The following SMARCAD1 variants were observed in gnomAD, a reference collection of about 807,000 sequenced individuals.
SMARCAD1 encodes SWI/SNF-related matrix-associated actin-dependent regulator of chromatin subfamily A containing DEAD/H box 1.
SMARCAD1 carries 25 observed loss-of-function variants against 127.1 expected under a neutral mutation model. The observed-to-expected ratio is 0.20, with a 90% CI of 0.14 to 0.27. SMARCAD1 has a LOEUF of 0.27. Among genes scored for constraint, SMARCAD1 ranks in the 10% least tolerant of loss-of-function variants. The probability of loss-of-function intolerance (pLI) is 1.00; values close to 1 mark genes in which losing one functional copy is unlikely to be tolerated. For missense variants in SMARCAD1, 807 were observed against 1,206.0 expected, an observed-to-expected ratio of 0.67 and a Z score of 4.90; for synonymous variants, 400 against 396.9, an observed-to-expected ratio of 1.01 and a Z score of -0.09.
chr4:94,221,682 C>CATGAAG (rs1744157997), intron 2 of SMARCAD1, among the ~76,000 whole-genome samples: 1 of 152,116 alleles, frequency 6.6e-6, no homozygotes. Context: ...ATATAGTTTT[C>CATGAAG]ATGAAGATGT....
At position 94,289,544 on chromosome 4, in the gene SMARCAD1, T is replaced by C. The variant is rs1289471949; in HGVS notation, c.*10T>C. The C allele has an allele frequency of 1.9e-6, 3 of 1,607,208 alleles. No individual in the cohort carries two copies. The East Asian group carries it at 6.7e-5, about 36-fold the overall frequency. ...ATCAATGGGCCTGTGAAATAAGAAC[T>C]GTGAACTCTCAATTGATGAGGAAAT... On this transcript the variant is annotated 3_prime_UTR_variant, in exon 24 of 24. Coordinates refer to ENST00000354268, the MANE Select transcript of SMARCAD1 (RefSeq NM_020159.5).
At position 94,252,601 on chromosome 4, in the gene SMARCAD1, G is replaced by T; in HGVS notation, c.890-15G>T. 6.7e-7 allele frequency: 1 copy of T among 1,491,130 alleles called. No homozygotes were observed. The allele number at this position is 1,491,130 out of a possible 1,614,324, so 92.4% of individuals were successfully genotyped here. On this transcript the variant is annotated splice_polypyrimidine_tract_variant and intron_variant, in intron 8 of 23. Transcript: ENST00000354268. ...TATTTCTAATTTAGTTACTGTTTTT[G>T]TCTTTTATATACAGATATGCAATAT...
At chr4:94,265,584 T>A (rs1391721517) in intron 10 of SMARCAD1, among the ~76,000 whole-genome samples, 1 of 151,768 alleles carries the variant, frequency 6.6e-6, no homozygotes, top group African/African-American at 2.4e-5. Context: ...ATTTTGCATG[T>A]TGTTGGCAGA....
chr4:94,282,139 G>C (rs559864672), intron 21 of SMARCAD1, among the ~76,000 whole-genome samples: 6 of 54,254 alleles, frequency 1.1e-4, no homozygotes, highest in Admixed American at 7.2e-4. Context: ...TCGCTCTGTC[G>C]CCCAGGCTGG....
At chr4:94,259,196 A>T (rs1750581382) in intron 9 of SMARCAD1, among the ~76,000 whole-genome samples, 1 of 152,212 alleles carries the variant, frequency 6.6e-6, no homozygotes, top group Non-Finnish European at 1.5e-5. Flanking sequence ...ATGATGGTGG[A>T]TGTTGAGGTT....
At position 94,274,871 on chromosome 4, in the gene SMARCAD1, T is replaced by G; in HGVS notation, c.1733-19T>G. The G allele has an allele frequency of 1.2e-6, 2 of 1,603,860 alleles. No individual in the cohort carries two copies. The highest frequency in any genetic ancestry group is 8.5e-7 in the Non-Finnish European group (1 of 1,170,806). The stretch of plus-strand genomic sequence containing the variant: ...ACAGCACAATAAATAGTCATGTGTT[T>G]ATTGTTTTTAAATTCTAGGTTCTCA... On this transcript the variant is annotated intron_variant, in intron 13 of 23. Transcript: ENST00000354268.
chr4:94,241,994 C>T lies in SMARCAD1; in HGVS notation c.705+988C>T, dbSNP rs564661792. ...CTTGGCTGAACATTCACACAAACAC[C>T]GTTATCCTTCTATTCTATTCTCAGG... On this transcript the variant is annotated intron_variant, in intron 6 of 23. Coordinates refer to ENST00000354268, the MANE Select transcript of SMARCAD1 (RefSeq NM_020159.5). 7.9e-5 allele frequency among the ~76,000 whole-genome samples: 12 copies of T among 152,136 alleles called. No homozygotes were observed. The South Asian group carries it at 8.3e-4, about 11-fold the overall frequency.
intron 3 of SMARCAD1, among the ~76,000 whole-genome samples, chr4:94,231,050 C>T (rs560829466): frequency 1.8e-4 from 28 of 152,288 alleles, no homozygotes; most frequent in African/African-American, 6.5e-4. Flanking sequence ...TTAGTGAGAA[C>T]AGTTTCACTG....
chr4:94,284,895 T>C (rs577932306), intron 22 of SMARCAD1, 65 bp from the exon 23 acceptor site: 1 of 966,460 alleles, frequency 1.0e-6, no homozygotes. Context: ...CTCTTAAATA[T>C]AGTTTACATA....
At chr4:94,209,183 A>G (rs916381789) in intron 2 of SMARCAD1, among the ~76,000 whole-genome samples, 1 of 152,164 alleles carries the variant, frequency 6.6e-6, no homozygotes, top group Non-Finnish European at 1.5e-5. Flanking sequence ...TAAGATTTCC[A>G]CTCGAATCTA....
At chr4:94,287,983 T>C (rs1399506820) in intron 23 of SMARCAD1, among the ~76,000 whole-genome samples, 2 of 151,984 alleles carry the variant, frequency 1.3e-5, no homozygotes, top group African/African-American at 4.8e-5. Flanking sequence ...AGACTCCATC[T>C]CTATTAAAAT....
chr4:94,225,983 TA>T, intron 2 of SMARCAD1, 135 bp from the exon 3 acceptor site: 1 of 782,014 alleles, frequency 1.3e-6, no homozygotes, highest in Non-Finnish European at 2.0e-6. Flanking sequence ...TTTTTTTCTT[TA>T]AAAAGTGGTG....
chr4:94,222,354 A>G (rs1025750173), intron 2 of SMARCAD1, among the ~76,000 whole-genome samples: 2 of 152,182 alleles, frequency 1.3e-5, no homozygotes, highest in Non-Finnish European at 2.9e-5. Flanking sequence ...TACAACTGAC[A>G]TAAGGAAAAA....
intron 23 of SMARCAD1, among the ~76,000 whole-genome samples, chr4:94,285,671 C>T (rs773724193): frequency 3.9e-5 from 6 of 152,126 alleles, no homozygotes; most frequent in South Asian, 2.1e-4. Flanking sequence ...CTGTCTACAG[C>T]GAGAGAGAAG....
At chr4:94,278,905 T>C in intron 18 of SMARCAD1, 24 bp from the exon 19 acceptor site, 1 of 1,613,120 alleles carries the variant, frequency 6.2e-7, no homozygotes, top group Non-Finnish European at 8.5e-7. Context: ...TTTTATTTTT[T>C]ACTGTGTTCT....
chr4:94,248,419 T>C (rs1748784945), intron 6 of SMARCAD1: 2 of 455,748 alleles, frequency 4.4e-6, no homozygotes, highest in Non-Finnish European at 8.8e-6. Context: ...CTTGGATCTG[T>C]TCCCTCCTCA....
At chr4:94,267,342 G>A (rs1042516782) in intron 10 of SMARCAD1, among the ~76,000 whole-genome samples, 1 of 152,150 alleles carries the variant, frequency 6.6e-6, no homozygotes, top group African/African-American at 2.4e-5. Context: ...GACTAATATT[G>A]TGGTAGTATT....
chr4:94,254,550 C>G (rs990919219), intron 9 of SMARCAD1, among the ~76,000 whole-genome samples: 2 of 152,080 alleles, frequency 1.3e-5, no homozygotes, highest in African/African-American at 2.4e-5. Flanking sequence ...ATTTCCCCTA[C>G]TAATTAATCA....
intron 10 of SMARCAD1, 148 bp downstream of exon 10, chr4:94,265,054 A>C (rs567045092): frequency 7.1e-6 from 5 of 705,490 alleles, no homozygotes; most frequent in Non-Finnish European, 1.2e-5. Flanking sequence ...TAAGTGGACT[A>C]TGAACTGTTT....
Sources: allele counts gnomAD v4.1 joint callset (sites outside exome capture counted in the v4.1 genomes callset), GRCh38; gene constraint gnomAD v4.1.1; transcripts MANE v1.5; gene names NCBI Gene and HGNC (gene_info 2026-07-23, HGNC 2026-07-21).